Variants in VWA8 observed in about 807,000 individuals in gnomAD.
VWA8 encodes von Willebrand factor A domain containing 8, also known as von Willebrand factor A domain-containing protein 8.
A neutral mutation model predicts 241.5 loss-of-function variants in VWA8; 221 were observed. That is an observed-to-expected ratio of 0.91 (90% CI 0.82 to 1.02). VWA8 has a LOEUF of 1.02. Among genes scored for constraint, VWA8 ranks in the 50% least tolerant of loss-of-function variants. The pLI is 0.00. For missense variants in VWA8, 2,322 were observed against 2,328.7 expected (o/e 1.00, Z 0.06); for synonymous variants, 852 against 827.1 (o/e 1.03, Z -0.52).
chr13:41,944,378 T>C lies in VWA8; in HGVS notation c.241+5558A>G, dbSNP rs547639656. 3.9e-4 allele frequency among the ~76,000 whole-genome samples: 60 copies of C among 152,248 alleles called. 1 individual carries two copies. In the South Asian group the frequency reaches 0.012, roughly 32 times the overall value. ...GTGATTGTTTTTCTTTTCTTTTTTC[T>C]TTTATTGAGACAGGGTCTCACTCTG... On this transcript the variant is annotated intron_variant, in intron 2 of 44. Transcript: ENST00000379310.
In VWA8 at chr13:41,638,711, G is replaced by A. The variant is rs2044775260; in HGVS notation, c.4612-23627C>T. ...TGGAATAAGAGGTGAGTGAATGGAGGTCCGAAAGTAGTCAGTGCATGTAGA... is the reference window on the plus strand; with the variant it reads ...TGGAATAAGAGGTGAGTGAATGGAGATCCGAAAGTAGTCAGTGCATGTAGA... On this transcript the variant is annotated intron_variant, in intron 37 of 44. Transcript: ENST00000379310. Among the ~76,000 whole-genome samples, 5 of 152,136 alleles carry A rather than the reference G, an allele frequency of 3.3e-5. No individual in the cohort carries two copies. The South Asian group carries it at 1.0e-3, about 32-fold the overall frequency.
intron 21 of VWA8, among the ~76,000 whole-genome samples, chr13:41,739,848 G>GTTTTTTTTTTTT (rs1179107917): frequency 5.9e-5 from 3 of 50,896 alleles, no homozygotes; most frequent in Non-Finnish European, 1.3e-4. Flanking sequence ...TGTTTTTTTT[G>GTTTTTTTTTTTT]TTTTTTTTGT....
chr13:41,698,834 C>G (rs908298533), intron 29 of VWA8, among the ~76,000 whole-genome samples: 1 of 152,086 alleles, frequency 6.6e-6, no homozygotes, highest in Non-Finnish European at 1.5e-5. Context: ...TCAATAGTGT[C>G]GAGGTTGAAA....
chr13:41,931,381 C>G (rs1877113057), intron 2 of VWA8, among the ~76,000 whole-genome samples: 1 of 127,344 alleles, frequency 7.9e-6, no homozygotes, highest in Non-Finnish European at 1.7e-5. Flanking sequence ...CACAGAGATA[C>G]AGAAAAAAAA....
intron 9 of VWA8, among the ~76,000 whole-genome samples, chr13:41,869,335 A>G (rs1873471841): frequency 6.6e-6 from 1 of 152,000 alleles, no homozygotes; most frequent in South Asian, 2.1e-4. Context: ...GTTGAACTGG[A>G]TTTAAAAGGC....
At chr13:41,908,685 A>C (rs919799288) in intron 3 of VWA8, among the ~76,000 whole-genome samples, 6 of 152,220 alleles carry the variant, frequency 3.9e-5, no homozygotes, top group Admixed American at 3.9e-4. Context: ...AACGATGCAG[A>C]ATTCACCTGT....
intron 24 of VWA8, among the ~76,000 whole-genome samples, chr13:41,723,449 A>T (rs1028760660): frequency 6.6e-6 from 1 of 152,170 alleles, no homozygotes; most frequent in African/African-American, 2.4e-5. Flanking sequence ...AAACTCTTAG[A>T]TCTTTCACAG....
intron 9 of VWA8, among the ~76,000 whole-genome samples, chr13:41,880,195 CAT>C (rs1244891507): frequency 6.6e-6 from 1 of 152,144 alleles, no homozygotes; most frequent in African/African-American, 2.4e-5. Flanking sequence ...TAGCAATTTC[CAT>C]AGTTTTATAT....
chr13:41,781,476 T>A (rs1868883262), intron 19 of VWA8, among the ~76,000 whole-genome samples: 2 of 152,272 alleles, frequency 1.3e-5, no homozygotes, highest in South Asian at 4.1e-4. Flanking sequence ...TCCACCACAC[T>A]GTGTAGTAAC....
intron 40 of VWA8, among the ~76,000 whole-genome samples, chr13:41,601,111 T>C (rs1370245098): frequency 6.6e-6 from 1 of 152,120 alleles, no homozygotes; most frequent in Non-Finnish European, 1.5e-5. Context: ...CCCTTCTCTG[T>C]CTGGTTAATA....
At chr13:41,625,812 G>T (rs2044686269) in intron 37 of VWA8, among the ~76,000 whole-genome samples, 1 of 151,846 alleles carries the variant, frequency 6.6e-6, no homozygotes, top group South Asian at 2.1e-4. Flanking sequence ...ATTCACAATA[G>T]CAAAGATTTG....
chr13:41,755,072 A>C (rs138788678), intron 21 of VWA8, among the ~76,000 whole-genome samples: 1,633 of 152,188 alleles, frequency 0.011, 17 homozygotes, highest in Middle Eastern at 0.024. Context: ...CAATAAACAT[A>C]AGAGTGCAGA....
chr13:41,641,493 GCC>G (rs2044794710), intron 37 of VWA8, among the ~76,000 whole-genome samples: 1 of 152,006 alleles, frequency 6.6e-6, no homozygotes, highest in South Asian at 2.1e-4. Context: ...TGGGTAACTT[GCC>G]TAGGGTCATA....
In VWA8 at chr13:41,886,833, AAAGT is replaced by A. The variant is rs1874566488; in HGVS notation, c.817-7_817-4del. The A allele has an allele frequency of 6.3e-7, 1 of 1,576,086 alleles. No homozygotes were observed. The highest frequency in any genetic ancestry group is 8.6e-7 in the Non-Finnish European group (1 of 1,161,814). On this transcript the variant is annotated splice_polypyrimidine_tract_variant and splice_region_variant and intron_variant, in intron 6 of 44. Transcript: ENST00000379310. ...GAATATAACAACTTAAGTTGGTCCT[AAAGT>A]AATACAGAAACATATTAAATTAATT...
rs140376426 is a variant in VWA8 at position 41,738,935 on chromosome 13, T to C, written c.2427-6780A>G. Among the ~76,000 whole-genome samples, 155 of 152,292 alleles carry C rather than the reference T, an allele frequency of 1.0e-3. 1 individual carries two copies. Among genetic ancestry groups the C allele is most frequent in the African/African-American group, 3.5e-3 (147 of 41,564 alleles). On this transcript the variant is annotated intron_variant, in intron 21 of 44. Transcript: ENST00000379310. ...TATCCACTGCATAAATCTTTAGCAG[T>C]AAATATGGTATATATGACCTTTTTA...
chr13:41,908,799 A>T (rs1442549157), intron 3 of VWA8, among the ~76,000 whole-genome samples: 1 of 152,234 alleles, frequency 6.6e-6, no homozygotes, highest in Non-Finnish European at 1.5e-5. Flanking sequence ...AAAAACAATG[A>T]CATTCTCCAA....
intron 37 of VWA8, among the ~76,000 whole-genome samples, chr13:41,625,517 C>G (rs2044684110): frequency 6.6e-6 from 1 of 152,196 alleles, no homozygotes; most frequent in Non-Finnish European, 1.5e-5. Context: ...AAACGCAAAT[C>G]AAAACCACAA....
intron 2 of VWA8, among the ~76,000 whole-genome samples, chr13:41,934,436 G>A (rs1247319607): frequency 3.3e-5 from 5 of 151,814 alleles, no homozygotes; most frequent in African/African-American, 9.7e-5. Context: ...AACATCTACC[G>A]CATGATGCAG....
At chr13:41,953,033 G>A (rs1322298237) in intron 1 of VWA8, among the ~76,000 whole-genome samples, 1 of 152,102 alleles carries the variant, frequency 6.6e-6, no homozygotes, top group Non-Finnish European at 1.5e-5. Flanking sequence ...TGGCAGGGAG[G>A]GAGCTGGGAA....
Sources: gnomAD v4.1 joint callset for allele counts (sites outside exome capture counted in the v4.1 genomes callset) on GRCh38, gnomAD v4.1.1 for gene constraint, MANE v1.5 for transcripts, NCBI Gene and HGNC (gene_info 2026-07-23, HGNC 2026-07-21) for gene names.